PTPN5: variants seen among roughly 807,000 people sequenced by gnomAD.
PTPN5 encodes protein tyrosine phosphatase non-receptor type 5, also known as tyrosine-protein phosphatase non-receptor type 5.
In PTPN5, 29 loss-of-function variants were observed where a neutral mutation model predicts 73.9. That is an observed-to-expected ratio of 0.39 (90% CI 0.29 to 0.54). The LOEUF (loss-of-function observed/expected upper bound fraction) is 0.54. Ranked by LOEUF, PTPN5 falls within the 20% of genes least tolerant of loss-of-function variation. The pLI is 0.65. For synonymous variants in PTPN5, 267 were observed against 304.7 expected (o/e 0.88, Z 1.29); for missense variants, 652 against 751.4 (o/e 0.87, Z 1.55).
intron 7 of PTPN5, 47 bp from the exon 8 acceptor site, chr11:18,740,839 G>A (rs1224369302): frequency 2.3e-6 from 3 of 1,331,434 alleles, no homozygotes; most frequent in East Asian, 2.6e-5. Flanking sequence ...GCAGAGGGAC[G>A]GGCATGAGCT....
At chr11:18,775,602 G>C (rs769069512) in intron 1 of PTPN5, among the ~76,000 whole-genome samples, 43 of 152,292 alleles carry the variant, frequency 2.8e-4, no homozygotes, top group Admixed American at 1.8e-3. Context: ...CTTGGGTGGG[G>C]AGCCTGTGTT....
At chr11:18,739,246 C>T (rs1460607322) in intron 8 of PTPN5, among the ~76,000 whole-genome samples, 1 of 152,196 alleles carries the variant, frequency 6.6e-6, no homozygotes, top group African/African-American at 2.4e-5. Context: ...TCAGGCCACG[C>T]TCCTTCCTCA....
chr11:18,771,866 G>A, intron 2 of PTPN5, 73 bp downstream of exon 2: 1 of 1,323,664 alleles, frequency 7.6e-7, no homozygotes, highest in Non-Finnish European at 1.1e-6. Context: ...ACGTGTCCCA[G>A]AGCATCCAGA....
At position 18,771,877 on chromosome 11, in the gene PTPN5, T is replaced by C. The variant is rs1426453911; in HGVS notation, c.20+62A>G. 2.8e-6 allele frequency: 4 copies of C among 1,438,732 alleles called. 1 individual carries two copies. The allele number at this position is 1,438,732 out of a possible 1,614,324, so 89.1% of individuals were successfully genotyped here. ...GGTCACGTGTCCCAGAGCATCCAGA[T>C]GGAGAAGGCTTGGCCTCCTCAGTGG... On this transcript the variant is annotated intron_variant, in intron 2 of 14. Coordinates refer to ENST00000358540, the MANE Select transcript of PTPN5 (RefSeq NM_006906.2).
chr11:18,730,720 G>A (rs1212489304), intron 12 of PTPN5: 1 of 152,428 alleles, frequency 6.6e-6, no homozygotes, highest in Non-Finnish European at 1.5e-5. Flanking sequence ...ATGGTATTTT[G>A]TTATAGCAGC....
At chr11:18,748,694 A>C (rs1483070796) in intron 3 of PTPN5, among the ~76,000 whole-genome samples, 1 of 151,992 alleles carries the variant, frequency 6.6e-6, no homozygotes, top group Non-Finnish European at 1.5e-5. Context: ...AAAGATGGAG[A>C]ACTGGGCTAG....
chr11:18,730,886 A>G (rs1848842784), intron 12 of PTPN5: 1 of 151,916 alleles, frequency 6.6e-6, no homozygotes, highest in Non-Finnish European at 1.5e-5. Flanking sequence ...ATGCTCCCAC[A>G]CTCCAAAAGG....
intron 9 of PTPN5, among the ~76,000 whole-genome samples, chr11:18,735,915 A>G (rs886437561): frequency 1.3e-5 from 2 of 152,204 alleles, no homozygotes; most frequent in Non-Finnish European, 2.9e-5. Flanking sequence ...TGTGGAAGCC[A>G]GAAGACCAGT....
intron 3 of PTPN5, among the ~76,000 whole-genome samples, chr11:18,746,597 T>C (rs1564901906): frequency 6.6e-6 from 1 of 151,900 alleles, no homozygotes; most frequent in Non-Finnish European, 1.5e-5. Flanking sequence ...ACATAATTAA[T>C]TCTTGTCTTC....
chr11:18,731,165 T>A (rs1848856027), intron 12 of PTPN5, among the ~76,000 whole-genome samples: 1 of 142,016 alleles, frequency 7.0e-6, no homozygotes, highest in Non-Finnish European at 1.5e-5. Context: ...TATTTATATT[T>A]TATATATATT....
intron 1 of PTPN5, among the ~76,000 whole-genome samples, chr11:18,776,379 C>G (rs1851157892): frequency 6.6e-6 from 1 of 152,104 alleles, no homozygotes; most frequent in African/African-American, 2.4e-5. Flanking sequence ...CCCTCCCCAA[C>G]TCCCTTAGGA....
intron 8 of PTPN5, among the ~76,000 whole-genome samples, chr11:18,738,740 G>A (rs892398207): frequency 4.9e-4 from 75 of 152,156 alleles, no homozygotes; most frequent in African/African-American, 1.4e-3. Flanking sequence ...TTGGGAGGCC[G>A]AGGCAGGCGG....
intron 3 of PTPN5, among the ~76,000 whole-genome samples, chr11:18,763,716 T>A (rs913317030): frequency 6.6e-6 from 1 of 152,232 alleles, no homozygotes; most frequent in Non-Finnish European, 1.5e-5. Flanking sequence ...ACCTAGTACC[T>A]GAGACCTAGT....
At chr11:18,772,385 C>T (rs1850944163) in intron 1 of PTPN5, among the ~76,000 whole-genome samples, 1 of 152,236 alleles carries the variant, frequency 6.6e-6, no homozygotes, top group African/African-American at 2.4e-5. Context: ...GAGCCCAGGA[C>T]TCCCAATGCT....
intron 3 of PTPN5, among the ~76,000 whole-genome samples, chr11:18,764,142 T>C (rs1850524593): frequency 6.6e-6 from 1 of 152,220 alleles, no homozygotes; most frequent in South Asian, 2.1e-4. Flanking sequence ...CTCCATTGTC[T>C]ATCTATCTAG....
chr11:18,746,184 T>C (rs1169064969), intron 3 of PTPN5, among the ~76,000 whole-genome samples: 2 of 115,698 alleles, frequency 1.7e-5, no homozygotes, highest in Admixed American at 1.1e-4. Context: ...TATATATATA[T>C]ATATATATAC....
rs532445728 is a variant in PTPN5 at position 18,756,002 on chromosome 11, T to TAAA, written c.97+9802_97+9804dup. Reference sequence around the variant, plus strand: ...CTGGGCGACAGAGTGAGACTCTAAATAAAAAAAAAAAAAAAAAAAAGATGA... The same window carrying TAAA: ...CTGGGCGACAGAGTGAGACTCTAAATAAAAAAAAAAAAAAAAAAAAAAAGATGA... On this transcript the variant is annotated intron_variant, in intron 3 of 14. Transcript: ENST00000358540. 7.7e-3 allele frequency among the ~76,000 whole-genome samples: 877 copies of TAAA among 113,194 alleles called. 29 individuals are homozygous for TAAA. The highest frequency in any genetic ancestry group is 0.035 in the East Asian group (127 of 3,638). The allele number at this position is 113,194 out of a possible 152,430, so 74.3% of individuals were successfully genotyped here.
intron 9 of PTPN5, among the ~76,000 whole-genome samples, chr11:18,735,031 T>C (rs1849053745): frequency 6.6e-6 from 1 of 152,250 alleles, no homozygotes; most frequent in African/African-American, 2.4e-5. Context: ...GGGATGGTCA[T>C]TCCACAATGA....
At chr11:18,771,622 T>A (rs1313658935) in intron 2 of PTPN5, among the ~76,000 whole-genome samples, 4 of 152,154 alleles carry the variant, frequency 2.6e-5, no homozygotes, top group Non-Finnish European at 5.9e-5. Flanking sequence ...ATGTACACCT[T>A]AAAGGCCAAA....
Sources: allele counts gnomAD v4.1 joint callset (sites outside exome capture counted in the v4.1 genomes callset), GRCh38; gene constraint gnomAD v4.1.1; transcripts MANE v1.5; gene names NCBI Gene and HGNC (gene_info 2026-07-23, HGNC 2026-07-21).